The following GPATCH2L variants were observed in gnomAD, a reference collection of about 807,000 sequenced individuals.
GPATCH2L encodes the protein G-patch domain containing 2 like.
A neutral mutation model predicts 57.4 loss-of-function variants in GPATCH2L; 31 were observed. The observed-to-expected ratio is 0.54, with a 90% CI of 0.41 to 0.73. The LOEUF is 0.73. Among genes scored for constraint, GPATCH2L ranks in the 30% least tolerant of loss-of-function variants. The probability of loss-of-function intolerance (pLI) is 0.00; values close to 1 mark genes in which losing one functional copy is unlikely to be tolerated. For missense variants in GPATCH2L, 481 were observed against 599.9 expected, an observed-to-expected ratio of 0.80 and a Z score of 2.07; for synonymous variants, 199 against 210.7, an observed-to-expected ratio of 0.94 and a Z score of 0.48.
chr14:76,215,805 T>C (rs1228677693), downstream of GPATCH2L, among the ~76,000 whole-genome samples: 1 of 148,362 alleles, frequency 6.7e-6, no homozygotes, highest in Admixed American at 6.7e-5. Context: ...TCGGGAGATA[T>C]ACCTAATGCT....
chr14:76,226,163 C>T (rs1427583979), intron 1 of GPATCH2L, among the ~76,000 whole-genome samples: 1 of 152,154 alleles, frequency 6.6e-6, no homozygotes, highest in African/African-American at 2.4e-5. Context: ...AACATATGTA[C>T]ATAACAGTAC....
At chr14:76,220,508 A>G (rs1195833144) in intron 1 of GPATCH2L, among the ~76,000 whole-genome samples, 2 of 152,238 alleles carry the variant, frequency 1.3e-5, no homozygotes. Context: ...TAGAAAACAA[A>G]ATTACAGACC....
At chr14:76,152,345 C>A (rs551558476) in intron 1 of GPATCH2L, among the ~76,000 whole-genome samples, 2 of 152,028 alleles carry the variant, frequency 1.3e-5, no homozygotes, top group African/African-American at 4.8e-5. Context: ...TATATGTGGC[C>A]ATGTTGCGAC....
intron 2 of GPATCH2L, among the ~76,000 whole-genome samples, chr14:76,232,731 C>T (rs1367668171): frequency 6.6e-6 from 1 of 152,150 alleles, no homozygotes; most frequent in Non-Finnish European, 1.5e-5. Context: ...ATGGAGTTTC[C>T]AGTTTTCCTT....
chr14:76,234,721 G>C (rs1412721958), intron 2 of GPATCH2L: 1 of 152,444 alleles, frequency 6.6e-6, no homozygotes, highest in African/African-American at 2.4e-5. Flanking sequence ...TGATGAGACT[G>C]CAGCCCGAGC....
chr14:76,227,290 C>G (rs1566829081), intron 1 of GPATCH2L, among the ~76,000 whole-genome samples: 1 of 152,090 alleles, frequency 6.6e-6, no homozygotes, highest in African/African-American at 2.4e-5. Flanking sequence ...CACCCTCCTA[C>G]ACGATATCAC....
chr14:76,222,865 A>G (rs1229636404), intron 1 of GPATCH2L, among the ~76,000 whole-genome samples: 3 of 151,194 alleles, frequency 2.0e-5, no homozygotes, highest in African/African-American at 7.3e-5. Flanking sequence ...CTGAGGCATG[A>G]GAATCGCTTG....
chr14:76,193,637 A>G (rs1028413538), intron 8 of GPATCH2L, among the ~76,000 whole-genome samples: 1 of 152,158 alleles, frequency 6.6e-6, no homozygotes, highest in African/African-American at 2.4e-5. Context: ...GAAGAAAAAG[A>G]GAGTTATCAG....
downstream of GPATCH2L, among the ~76,000 whole-genome samples, chr14:76,218,106 C>T (rs78231069): frequency 6.4e-4 from 97 of 152,200 alleles, 1 homozygote; most frequent in East Asian, 0.017. Context: ...CCAAAGCCTG[C>T]GTCATGCTTA....
At position 76,208,357 on chromosome 14, in the gene GPATCH2L, C is replaced by T. The variant is rs528038180; in HGVS notation, c.*6506C>T. The T allele has an allele frequency of 2.6e-5, 4 of 152,158 alleles. No individual in the cohort carries two copies. Among genetic ancestry groups the T allele is most frequent in the Non-Finnish European group, 5.9e-5 (4 of 68,042 alleles). 9.4% of individuals were successfully genotyped at this position (152,158 alleles called of 1,614,324 possible). A position where few individuals can be genotyped will look rare whatever the true frequency, so the allele number is the denominator to read the frequency against. ...CTCAAGTGGCCATGAAAAAAAATCT[C>T]ACGACCATGCAAACTGATGCCACCC... On this transcript the variant is annotated 3_prime_UTR_variant, in exon 10 of 10. Transcript: ENST00000261530.
chr14:76,225,152 A>G (rs886407690), intron 1 of GPATCH2L, among the ~76,000 whole-genome samples: 7 of 152,194 alleles, frequency 4.6e-5, no homozygotes, highest in Non-Finnish European at 1.0e-4. Context: ...TTAGAGACCA[A>G]GAATAGAGAA....
downstream of GPATCH2L, among the ~76,000 whole-genome samples, chr14:76,216,560 G>A (rs1291852565): frequency 6.6e-6 from 1 of 152,202 alleles, no homozygotes; most frequent in Non-Finnish European, 1.5e-5. Context: ...TAGAATGCTT[G>A]ATTAGTTTTG....
chr14:76,202,681 G>A lies in GPATCH2L; in HGVS notation c.*830G>A, dbSNP rs1185475259. The stretch of plus-strand genomic sequence containing the variant: ...TTTATGTCCTAAGCAGGACTTTATT[G>A]TTAGTATTATAGGCTAATAACCTGC... On this transcript the variant is annotated 3_prime_UTR_variant, in exon 10 of 10. Transcript: ENST00000261530. 1 of 152,526 alleles carries A rather than the reference G, an allele frequency of 6.6e-6. No homozygotes were observed. Among genetic ancestry groups the A allele is most frequent in the Non-Finnish European group, 1.5e-5 (1 of 68,008 alleles). 9.4% of individuals were successfully genotyped at this position (152,526 alleles called of 1,614,324 possible).
chr14:76,186,026 T>C (rs1157081120), intron 8 of GPATCH2L, among the ~76,000 whole-genome samples: 3 of 152,140 alleles, frequency 2.0e-5, no homozygotes, highest in Admixed American at 2.0e-4. Context: ...ATTGGTTGAA[T>C]GGGGACCAAA....
At chr14:76,186,252 A>T (rs531261132) in intron 8 of GPATCH2L, among the ~76,000 whole-genome samples, 1 of 150,964 alleles carries the variant, frequency 6.6e-6, no homozygotes, top group South Asian at 2.1e-4. Flanking sequence ...AGTTGGGGTT[A>T]AAAAAAAAGA....
At chr14:76,194,533 A>G (rs570325459) in intron 8 of GPATCH2L, among the ~76,000 whole-genome samples, 65 of 143,962 alleles carry the variant, frequency 4.5e-4, no homozygotes, top group Non-Finnish European at 7.2e-4. Context: ...GCACGCATGC[A>G]TGCACCCTTT....
chr14:76,226,542 C>T (rs1363854384), intron 1 of GPATCH2L, among the ~76,000 whole-genome samples: 1 of 152,128 alleles, frequency 6.6e-6, no homozygotes, highest in Non-Finnish European at 1.5e-5. Context: ...TGAATGTGTC[C>T]CTCCAAAATG....
Position 76,180,775 on chromosome 14 carries a change from G to C in GPATCH2L, c.1119G>C (p.Leu373=). 6.2e-7 allele frequency: 1 copy of C among 1,610,620 alleles called. No individual in the cohort carries two copies. The highest frequency in any genetic ancestry group is 8.5e-7 in the Non-Finnish European group (1 of 1,176,764). Reference sequence around the variant, plus strand: ...ATTCATTCCTGCAGTTCAATCCCCTGTCTCCCCTTTACTCCCTGGATGTTC... The same window carrying C: ...ATTCATTCCTGCAGTTCAATCCCCTCTCTCCCCTTTACTCCCTGGATGTTC... The part of the protein sequence containing the change: ...ISACAHEFNP[L]SPLYSLDVLA... Residue 373 remains leucine (L), a synonymous_variant, in exon 8 of 10, where the codon CTG becomes CTC. Coordinates refer to ENST00000261530, the MANE Select transcript of GPATCH2L (RefSeq NM_017926.4).
Position 76,154,682 on chromosome 14 carries a change from A to G in GPATCH2L, c.319A>G (p.Lys107Glu). ...AGCTCTCAATGCCATTGTCAAGAGT[A>G]AGCAACATTCTTGGCATGAATCTGA... The part of the protein sequence containing the change: ...HPALNAIVKS[K>E]QHSWHESDSF... The change falls in exon 2 of 10, where the codon AAG becomes GAG. Residue 107 changes from lysine to glutamate, a missense_variant. Transcript: ENST00000261530. This position sits in a 1 kb window ranked among gnomAD's most constrained non-coding sequence, Gnocchi z 4.4. 1.2e-6 allele frequency: 2 copies of G among 1,614,194 alleles called. No individual in the cohort carries two copies. Among genetic ancestry groups the G allele is most frequent in the Non-Finnish European group, 8.5e-7 (1 of 1,179,994 alleles).
Sources: gnomAD v4.1 joint callset for allele counts (sites outside exome capture counted in the v4.1 genomes callset) on GRCh38, gnomAD v4.1.1 for gene constraint, Gnocchi (gnomAD v3.1) non-coding constraint, MANE v1.5 for transcripts, NCBI Gene and HGNC (gene_info 2026-07-23, HGNC 2026-07-21) for gene names.